The following EPHA6 variants were observed in gnomAD, a reference collection of about 807,000 sequenced individuals.
EPHA6 encodes EPH receptor A6, also known as ephrin type-A receptor 6.
Under a neutral mutation model 112.0 loss-of-function variants are expected in EPHA6, and 50 were observed. That is an observed-to-expected ratio of 0.45 (90% confidence interval 0.36 to 0.56). The LOEUF (loss-of-function observed/expected upper bound fraction) is 0.56, where lower values mean the gene tolerates loss of function less well. Ranked by LOEUF, EPHA6 falls within the 20% of genes least tolerant of loss-of-function variation. EPHA6 has a pLI of 0.00. For missense variants in EPHA6, 1,280 were observed against 1,417.4 expected (o/e 0.90, Z 1.56); for synonymous variants, 529 against 490.7 (o/e 1.08, Z -1.03).
chr3:96,834,879 A>C (rs1219929941), intron 1 of EPHA6, among the ~76,000 whole-genome samples: 1 of 151,944 alleles, frequency 6.6e-6, no homozygotes, highest in Non-Finnish European at 1.5e-5. Context: ...TGTTTTGAAG[A>C]TTTATAGATG....
At chr3:97,673,834 T>C (rs1282022304) in intron 14 of EPHA6, among the ~76,000 whole-genome samples, 1 of 152,240 alleles carries the variant, frequency 6.6e-6, no homozygotes, top group Non-Finnish European at 1.5e-5. Context: ...GTGATGTATC[T>C]GAATGTCTAA....
intron 11 of EPHA6, among the ~76,000 whole-genome samples, chr3:97,540,794 T>G (rs928506731): frequency 1.2e-4 from 18 of 152,168 alleles, no homozygotes; most frequent in Non-Finnish European, 2.2e-4. Flanking sequence ...TAAATAAAAT[T>G]GAATAAAGCC....
At chr3:96,939,922 T>A (rs1217874956) in intron 2 of EPHA6, among the ~76,000 whole-genome samples, 1 of 152,176 alleles carries the variant, frequency 6.6e-6, no homozygotes, top group Non-Finnish European at 1.5e-5. Flanking sequence ...TTTGAGTGAG[T>A]TTCTTAATCC....
intron 14 of EPHA6, among the ~76,000 whole-genome samples, chr3:97,653,539 T>C (rs572515082): frequency 3.9e-4 from 60 of 152,094 alleles, no homozygotes; most frequent in Non-Finnish European, 8.4e-4. Context: ...AAGTGAACTT[T>C]TGCACATTGT....
chr3:97,171,368 T>C (rs140858686), intron 3 of EPHA6, among the ~76,000 whole-genome samples: 9 of 152,226 alleles, frequency 5.9e-5, no homozygotes, highest in African/African-American at 1.9e-4. Context: ...GGAAAATTTA[T>C]GTGTAGGAGA....
chr3:97,426,623 C>G (rs1253260298), intron 6 of EPHA6, among the ~76,000 whole-genome samples: 1 of 152,172 alleles, frequency 6.6e-6, no homozygotes, highest in East Asian at 1.9e-4. Context: ...AAATACCACT[C>G]TGGACATACA....
At chr3:97,100,392 T>C (rs562097409) in intron 3 of EPHA6, among the ~76,000 whole-genome samples, 1 of 97,354 alleles carries the variant, frequency 1.0e-5, no homozygotes, top group African/African-American at 6.7e-5. Context: ...AGAGACATAA[T>C]AATAACAATC....
intron 3 of EPHA6, among the ~76,000 whole-genome samples, chr3:97,088,623 C>T (rs1212527645): frequency 2.0e-5 from 3 of 152,148 alleles, no homozygotes; most frequent in Non-Finnish European, 4.4e-5. Flanking sequence ...GTTTTCATTT[C>T]CCCTGACTCT....
intron 1 of EPHA6, among the ~76,000 whole-genome samples, chr3:96,853,355 G>C (rs2035508730): frequency 6.6e-6 from 1 of 151,854 alleles, no homozygotes; most frequent in Admixed American, 6.6e-5. Context: ...CTAATCAGTG[G>C]GATCCCTATA....
At chr3:96,995,811 T>C (rs1484282428) in intron 3 of EPHA6, among the ~76,000 whole-genome samples, 4 of 152,166 alleles carry the variant, frequency 2.6e-5, no homozygotes, top group Non-Finnish European at 5.9e-5. Flanking sequence ...ATAATCATTT[T>C]GCTGGTGGAG....
chr3:97,576,244 A>G (rs923639148), intron 11 of EPHA6, among the ~76,000 whole-genome samples: 6 of 151,934 alleles, frequency 3.9e-5, no homozygotes, highest in African/African-American at 1.5e-4. Flanking sequence ...CATCCTATAA[A>G]GCTTCAAGAA....
chr3:96,859,820 G>T (rs2035907631), intron 1 of EPHA6, among the ~76,000 whole-genome samples: 1 of 152,080 alleles, frequency 6.6e-6, no homozygotes, highest in Non-Finnish European at 1.5e-5. Flanking sequence ...TTTTGATGGT[G>T]ATTTTGAAGA....
chr3:97,259,021 C>T (rs770087009), intron 5 of EPHA6, among the ~76,000 whole-genome samples: 18 of 152,156 alleles, frequency 1.2e-4, no homozygotes, highest in Non-Finnish European at 2.2e-4. Flanking sequence ...AGAGGCTCTA[C>T]ATTGTAATAT....
chr3:97,238,947 T>C (rs1052590038), intron 4 of EPHA6, among the ~76,000 whole-genome samples: 4 of 151,948 alleles, frequency 2.6e-5, no homozygotes, highest in Admixed American at 2.6e-4. Context: ...ATTTTTTGTT[T>C]GCCTGTTTTA....
At chr3:96,918,019 A>G (rs2039573857) in intron 2 of EPHA6, among the ~76,000 whole-genome samples, 1 of 152,166 alleles carries the variant, frequency 6.6e-6, no homozygotes, top group African/African-American at 2.4e-5. Flanking sequence ...CGTCTAAAAA[A>G]TCATGAAAAA....
chr3:97,141,839 A>C (rs1353967460), intron 3 of EPHA6, among the ~76,000 whole-genome samples: 1 of 151,248 alleles, frequency 6.6e-6, no homozygotes, highest in Admixed American at 6.7e-5. Flanking sequence ...TCAGAGCACA[A>C]ATAAATGAGA....
At chr3:97,355,149 G>C (rs2084004507) in intron 5 of EPHA6, among the ~76,000 whole-genome samples, 1 of 152,074 alleles carries the variant, frequency 6.6e-6, no homozygotes, top group African/African-American at 2.4e-5. Context: ...AGGACATTAA[G>C]AAGCAATAAG....
At chr3:97,703,515 C>T (rs1232460625) in intron 14 of EPHA6, among the ~76,000 whole-genome samples, 1 of 152,044 alleles carries the variant, frequency 6.6e-6, no homozygotes, top group African/African-American at 2.4e-5. Context: ...ATATGACAAA[C>T]AGAACTGAAT....
chr3:96,952,182 T>A (rs75695634), intron 2 of EPHA6, among the ~76,000 whole-genome samples: 2,760 of 152,276 alleles, frequency 0.018, 69 homozygotes, highest in African/African-American at 0.05. Flanking sequence ...CTACTTGTGG[T>A]CTGACGCGTG....
Sources: gnomAD v4.1 joint callset for allele counts (sites outside exome capture counted in the v4.1 genomes callset) on GRCh38, gnomAD v4.1.1 for gene constraint, MANE v1.5 for transcripts, NCBI Gene and HGNC (gene_info 2026-07-23, HGNC 2026-07-21) for gene names.